Variants in USP4 observed in about 807,000 individuals in gnomAD.
USP4 encodes the protein ubiquitin carboxyl-terminal hydrolase 4.
A neutral mutation model predicts 118.2 loss-of-function variants in USP4; 72 were observed. That is an observed-to-expected ratio of 0.61 (90% CI 0.50 to 0.74). USP4 has a LOEUF of 0.74. Among genes scored for constraint, USP4 ranks in the 30% least tolerant of loss-of-function variants. The pLI is 0.00. For synonymous variants in USP4, 415 were observed against 440.4 expected (o/e 0.94, Z 0.72); for missense variants, 1,037 against 1,185.7 (o/e 0.87, Z 1.84).
intron 2 of USP4, among the ~76,000 whole-genome samples, chr3:49,334,649 C>T (rs951915818): frequency 6.6e-6 from 1 of 152,070 alleles, no homozygotes; most frequent in African/African-American, 2.4e-5. Flanking sequence ...GAGGCTGAGG[C>T]AGGAAGATAG....
intron 8 of USP4, 43 bp from the exon 9 acceptor site, chr3:49,305,931 G>A (rs1461889614): frequency 1.3e-6 from 2 of 1,530,626 alleles, no homozygotes; most frequent in Non-Finnish European, 8.8e-7. Context: ...CTTCTAGACA[G>A]TACCAGAGAT....
chr3:49,305,412 GA>G (rs1265627729), intron 9 of USP4, among the ~76,000 whole-genome samples: 2 of 150,256 alleles, frequency 1.3e-5, no homozygotes, highest in Non-Finnish European at 3.0e-5. Context: ...GCAACGAAAG[GA>G]ATGCCTCATA....
Position 49,325,820 on chromosome 3 carries a change from T to C in USP4, c.386A>G (p.Lys129Arg). The C allele has an allele frequency of 1.2e-6, 2 of 1,613,822 alleles. No homozygotes were observed. The highest frequency in any genetic ancestry group is 1.7e-5 in the Admixed American group (1 of 60,002). ...CAAATACACCTCGACTTTGCAGTGC[T>C]TGACAAACAGGCCATGCTCCACAAC... ...RKVVEHGLFV[K>R]HCKVEVYLLE... The change falls in exon 4 of 22, where the codon AAG becomes AGG. Residue 129 changes from lysine to arginine, a missense_variant. Lys to Arg is a conservative substitution (Grantham distance 26, BLOSUM62 2). Coordinates refer to ENST00000265560, the MANE Select transcript of USP4 (RefSeq NM_003363.4).
chr3:49,312,192 C>T (rs2047389787), intron 6 of USP4: 2 of 231,584 alleles, frequency 8.6e-6, no homozygotes, highest in South Asian at 9.4e-5. Flanking sequence ...GGTGAGGTGG[C>T]TCACCCTTGT....
chr3:49,283,920 GC>G lies in USP4; in HGVS notation c.2540+66del. Reference sequence around the variant, plus strand: ...AAAGTTTTTGGTGGCAAACCACTCAGCCAATCAGTGCCAAGATTTTCTGCCT... The same window carrying G: ...AAAGTTTTTGGTGGCAAACCACTCAGCAATCAGTGCCAAGATTTTCTGCCT... On this transcript the variant is annotated intron_variant, in intron 19 of 21. Transcript: ENST00000265560. 1.9e-6 allele frequency: 3 copies of G among 1,590,766 alleles called. No individual in the cohort carries two copies. In the South Asian group the frequency reaches 3.4e-5, roughly 18 times the overall value.
chr3:49,302,511 GA>G lies in USP4; in HGVS notation c.1159del (p.Ser387LeufsTer16). On this transcript the variant is annotated frameshift_variant, in exon 10 of 22. Transcript: ENST00000265560. LOFTEE classifies it high-confidence loss of function. ...TQVGRFAPQF[S>X]GYQQQDSQEL... is the part of the protein sequence containing the mutation. ...CTGAGAATCTTGTTGCTGGTAGCCA[GA>G]AAATTGAGGAGCAAAACGTCCTACT... 6.2e-7 allele frequency: 1 copy of G among 1,614,010 alleles called. No individual in the cohort carries two copies. Among genetic ancestry groups the G allele is most frequent in the Non-Finnish European group, 8.5e-7 (1 of 1,179,958 alleles).
chr3:49,298,069 G>A (rs1237806421), intron 12 of USP4, 105 bp from the exon 13 acceptor site: 1 of 766,062 alleles, frequency 1.3e-6, no homozygotes, highest in Non-Finnish European at 2.2e-6. Flanking sequence ...ATACTCAAAT[G>A]TTGCCTCTAG....
chr3:49,330,148 G>T (rs1487542680), intron 2 of USP4, among the ~76,000 whole-genome samples: 2 of 149,694 alleles, frequency 1.3e-5, no homozygotes. Flanking sequence ...TCCAGCCTGG[G>T]CAACAGAGTG....
intron 15 of USP4, among the ~76,000 whole-genome samples, chr3:49,289,450 G>A (rs1314701593): frequency 6.6e-6 from 1 of 152,182 alleles, no homozygotes; most frequent in African/African-American, 2.4e-5. Context: ...GAGTACCACA[G>A]ATCACCCAGG....
In USP4 at chr3:49,340,014, C is replaced by T; in HGVS notation, c.11G>A (p.Gly4Asp). The T allele has an allele frequency of 6.2e-7, 1 of 1,608,512 alleles. No individual in the cohort carries two copies. The highest frequency in any genetic ancestry group is 2.2e-5 in the East Asian group (1 of 44,846). Residue 4 changes from glycine (G) to aspartate (D), a missense_variant, in exon 1 of 22, where the codon GGT (glycine) becomes GAT (aspartate). Around this residue, in one of 3 missense-constraint regions of USP4, gnomAD observed 487 missense variants for 534.1 expected, o/e 0.91. Coordinates refer to ENST00000265560, the MANE Select transcript of USP4 (RefSeq NM_003363.4). Reference sequence around the variant, plus strand: ...ATCCGGTCGCTCACGGCAGCCTCCACCTTCCGCCATCTCCTCCGCGGCCCC... The same window carrying T: ...ATCCGGTCGCTCACGGCAGCCTCCATCTTCCGCCATCTCCTCCGCGGCCCC... MAE[G>D]GGCRERPDAE... is the part of the protein sequence containing the mutation.
At chr3:49,330,324 T>C (rs535752057) in intron 2 of USP4, among the ~76,000 whole-genome samples, 1 of 151,882 alleles carries the variant, frequency 6.6e-6, no homozygotes, top group East Asian at 1.9e-4. Context: ...TACATTGCAA[T>C]GGAGCAGTAA....
Position 49,339,929 on chromosome 3 carries a change from C to A in USP4, c.96G>T (p.Ala32=). 2.5e-6 allele frequency: 4 copies of A among 1,612,340 alleles called. No individual in the cohort carries two copies. Among genetic ancestry groups the A allele is most frequent in the Non-Finnish European group, 3.4e-6 (4 of 1,179,392 alleles). The change falls in exon 1 of 22, where the codon GCG becomes GCT. Residue 32 remains alanine, a synonymous_variant. Transcript: ENST00000265560. ...PLMRTTLQRG[A]QWYLIDSRWF... The stretch of plus-strand genomic sequence containing the variant: ...AGAGCGAGCCGGGAGCTCACCACTG[C>A]GCCCCGCGTTGGAGTGTGGTCCTCA...
chr3:49,292,596 C>T lies in USP4; in HGVS notation c.1886G>A (p.Arg629His), dbSNP rs771051592. ...LYQAVCDRISRYVKQPLPDEF... is the reference protein window; with the variant it reads ...LYQAVCDRISHYVKQPLPDEF... ...ATCAGGTAAAGGCTGTTTCACATAG[C>T]GGCTTCAAAAAGAGAAAAAGAGAAG... is the stretch of plus-strand genomic sequence containing the variant. Residue 629 changes from arginine to histidine, a missense_variant and splice_region_variant, in exon 15 of 22, where the codon CGC becomes CAC. Arg to His is a conservative substitution (Grantham distance 29). This residue lies in a region of USP4 where 522 missense variants were observed against 592.6 expected (regional missense o/e 0.88). Transcript: ENST00000265560. The T allele has an allele frequency of 8.0e-5, 126 of 1,575,520 alleles. No homozygotes were observed. Among genetic ancestry groups the T allele is most frequent in the East Asian group, 3.2e-4 (14 of 43,574 alleles).
chr3:49,287,390 G>A (rs892453185), intron 15 of USP4, among the ~76,000 whole-genome samples: 17 of 151,640 alleles, frequency 1.1e-4, no homozygotes, highest in African/African-American at 3.9e-4. Flanking sequence ...TCCTGACCTC[G>A]TGATCCGCCC....
At chr3:49,319,268 A>G (rs148197247) in intron 6 of USP4, among the ~76,000 whole-genome samples, 3,695 of 152,178 alleles carry the variant, frequency 0.024, 161 homozygotes, top group African/African-American at 0.085. Context: ...TTATTTTTTG[A>G]GACGGAGTCT....
intron 2 of USP4, among the ~76,000 whole-genome samples, chr3:49,332,680 G>A (rs890135302): frequency 6.6e-6 from 1 of 151,638 alleles, no homozygotes; most frequent in Non-Finnish European, 1.5e-5. Context: ...GAAACCCCAT[G>A]GTGAGACTCT....
At chr3:49,310,833 T>C in intron 7 of USP4, 96 bp from the exon 8 acceptor site, 1 of 934,322 alleles carries the variant, frequency 1.1e-6, no homozygotes, top group Non-Finnish European at 1.7e-6. Flanking sequence ...CTAGAACTTG[T>C]GTGGTAGTAA....
At chr3:49,306,615 C>T (rs1023079705) in intron 8 of USP4, among the ~76,000 whole-genome samples, 2 of 151,942 alleles carry the variant, frequency 1.3e-5, no homozygotes, top group African/African-American at 2.4e-5. Flanking sequence ...ACCCTTTTTG[C>T]CCTAATATTT....
In USP4 at chr3:49,294,578, G is replaced by A. The variant is rs757554655; in HGVS notation, c.1712C>T (p.Ser571Phe). 6.2e-7 allele frequency: 1 copy of A among 1,613,922 alleles called. No homozygotes were observed. Residue 571 changes from serine to phenylalanine, a missense_variant, in exon 14 of 22, where the codon TCC becomes TTC. Physicochemically the swap from Ser to Phe is radical, Grantham distance 155. Coordinates refer to ENST00000265560, the MANE Select transcript of USP4 (RefSeq NM_003363.4). The part of the protein sequence containing the change: ...DIFVYEVCST[S>F]VDGSECVTLP... ...CGTGACACATTCCGAGCCATCCACG[G>A]AAGTGCTGCAGACCTCGTACCTGCG...
Sources: allele counts gnomAD v4.1 joint callset (sites outside exome capture counted in the v4.1 genomes callset), GRCh38; gene constraint gnomAD v4.1.1; regional missense constraint gnomAD v4.1.1; transcripts MANE v1.5; gene names NCBI Gene and HGNC (gene_info 2026-07-23, HGNC 2026-07-21).